CACNA1D: variants seen among roughly 807,000 people sequenced by gnomAD.
CACNA1D encodes the protein calcium voltage-gated channel subunit alpha1 D, also known as voltage-dependent L-type calcium channel subunit alpha-1D.
In CACNA1D, 55 loss-of-function variants were observed where a neutral mutation model predicts 257.1. The observed-to-expected ratio is 0.21, with a 90% CI of 0.17 to 0.27. The LOEUF (loss-of-function observed/expected upper bound fraction) is 0.27, where lower values mean the gene tolerates loss of function less well. CACNA1D is among the 10% of genes least tolerant of loss of function. CACNA1D has a pLI of 1.00. For synonymous variants in CACNA1D, 980 were observed against 1,014.9 expected (o/e 0.97, Z 0.65); for missense variants, 1,876 against 2,784.0 (o/e 0.67, Z 7.34).
intron 8 of CACNA1D, among the ~76,000 whole-genome samples, chr3:53,687,329 AAAG>A (rs1201166330): frequency 3.3e-5 from 5 of 152,290 alleles, no homozygotes; most frequent in Admixed American, 1.3e-4. Context: ...CATAAAAAAT[AAAG>A]AAGGAGGGCT....
At chr3:53,697,122 A>G (rs1424377664) in intron 8 of CACNA1D, among the ~76,000 whole-genome samples, 1 of 152,186 alleles carries the variant, frequency 6.6e-6, no homozygotes. Flanking sequence ...GATAAAAGGG[A>G]ATATCTTAAT....
intron 3 of CACNA1D, among the ~76,000 whole-genome samples, chr3:53,643,779 C>G (rs2093989543): frequency 6.6e-6 from 1 of 152,224 alleles, no homozygotes; most frequent in African/African-American, 2.4e-5. Flanking sequence ...CCTTCCCTTC[C>G]CACCTGTCCT....
At chr3:53,810,599 A>G in intron 47 of CACNA1D, 1 of 411,336 alleles carries the variant, frequency 2.4e-6, no homozygotes, top group Non-Finnish European at 4.6e-6. Flanking sequence ...CTCTACTAAA[A>G]ATACAAAAAT....
intron 35 of CACNA1D, 54 bp downstream of exon 35, chr3:53,776,099 C>G: frequency 6.6e-7 from 1 of 1,511,510 alleles, no homozygotes; most frequent in Non-Finnish European, 9.2e-7. Flanking sequence ...ATGTAGCAGT[C>G]AGCGTTCACA....
intron 20 of CACNA1D, 33 bp from the exon 21 acceptor site, chr3:53,740,247 C>A: frequency 2.6e-6 from 4 of 1,518,042 alleles, no homozygotes; most frequent in Non-Finnish European, 3.7e-6. Context: ...TGTCTGAATT[C>A]CTTTTCTCAC....
chr3:53,794,355 C>T (rs1283158673), intron 40 of CACNA1D, among the ~76,000 whole-genome samples: 4 of 152,202 alleles, frequency 2.6e-5, no homozygotes, highest in East Asian at 3.9e-4. Context: ...TTCTCCTTGG[C>T]ACCTCTTAGA....
intron 8 of CACNA1D, among the ~76,000 whole-genome samples, chr3:53,700,646 C>T (rs1252846139): frequency 6.6e-6 from 1 of 152,114 alleles, no homozygotes; most frequent in African/African-American, 2.4e-5. Context: ...AGCAGGTGTT[C>T]TTTGGGCTGG....
chr3:53,790,991 G>A (rs1241223997), intron 40 of CACNA1D: 11 of 702,128 alleles, frequency 1.6e-5, no homozygotes, highest in Non-Finnish European at 2.6e-5. Flanking sequence ...ATGCTTGAAC[G>A]GATGCTTTAG....
intron 3 of CACNA1D, among the ~76,000 whole-genome samples, chr3:53,637,783 G>C (rs111575766): frequency 2.0e-5 from 3 of 152,158 alleles, no homozygotes; most frequent in African/African-American, 7.2e-5. Flanking sequence ...TCTGCCTGCT[G>C]ACTTGCTCAT....
chr3:53,498,236 A>C (rs2090433901), intron 2 of CACNA1D, among the ~76,000 whole-genome samples: 1 of 152,160 alleles, frequency 6.6e-6, no homozygotes, highest in Non-Finnish European at 1.5e-5. Context: ...TGCCTTTATA[A>C]AAAATTCTGT....
chr3:53,802,328 G>A (rs2106793382), intron 43 of CACNA1D, among the ~76,000 whole-genome samples, 155 bp downstream of exon 43: 1 of 152,342 alleles, frequency 6.6e-6, no homozygotes, highest in African/African-American at 2.4e-5. Flanking sequence ...AGAGGTTGTT[G>A]CTTCTAAGCA....
At chr3:53,681,954 G>C (rs1487613574) in intron 8 of CACNA1D, among the ~76,000 whole-genome samples, 1 of 152,118 alleles carries the variant, frequency 6.6e-6, no homozygotes, top group Non-Finnish European at 1.5e-5. Context: ...AATGAAGCTA[G>C]GGTGACAGGA....
chr3:53,548,909 A>G (rs1235643346), intron 3 of CACNA1D, among the ~76,000 whole-genome samples: 2 of 152,206 alleles, frequency 1.3e-5, no homozygotes, highest in Non-Finnish European at 2.9e-5. Flanking sequence ...CCTGGAATAC[A>G]GGAAATGAAT....
chr3:53,523,563 A>C (rs1173134731), intron 3 of CACNA1D, among the ~76,000 whole-genome samples: 1 of 152,244 alleles, frequency 6.6e-6, no homozygotes, highest in African/African-American at 2.4e-5. Flanking sequence ...TCCAAGTGCC[A>C]TGGTGTATGT....
At chr3:53,660,037 G>A (rs1458432536) in intron 4 of CACNA1D, 96 bp from the exon 5 acceptor site, 3 of 1,099,314 alleles carry the variant, frequency 2.7e-6, no homozygotes, top group Non-Finnish European at 4.1e-6. Context: ...CAGCCACACA[G>A]AATTAGCCCT....
chr3:53,774,484 C>T lies in CACNA1D; in HGVS notation c.4111-103C>T. ...GAAGTGCCAGGTACCATGAGAAAAC[C>T]CTAGCTGGTAAAGATCAAACCTGAG... On this transcript the variant is annotated intron_variant, in intron 33 of 47. Transcript: ENST00000350061. The surrounding 1 kb of genome is among the most constrained non-coding windows in gnomAD (Gnocchi z 4.3). 1 of 760,784 alleles carries T rather than the reference C, an allele frequency of 1.3e-6. No homozygotes were observed. The highest frequency in any genetic ancestry group is 2.4e-6 in the Non-Finnish European group (1 of 420,524). 47.1% of individuals were successfully genotyped at this position (760,784 alleles called of 1,614,324 possible). A position where few individuals can be genotyped will look rare whatever the true frequency, so the allele number is the denominator to read the frequency against.
At chr3:53,721,573 G>A (rs2094883256) in intron 11 of CACNA1D, among the ~76,000 whole-genome samples, 1 of 152,190 alleles carries the variant, frequency 6.6e-6, no homozygotes, top group African/African-American at 2.4e-5. Context: ...TCACAATCAG[G>A]AACTGAAGGT....
At chr3:53,540,527 T>C (rs1045207849) in intron 3 of CACNA1D, among the ~76,000 whole-genome samples, 1 of 151,996 alleles carries the variant, frequency 6.6e-6, no homozygotes, top group African/African-American at 2.4e-5. Context: ...TATTATATAC[T>C]ATTTAGTATT....
chr3:53,667,159 C>T (rs989568359), intron 7 of CACNA1D, among the ~76,000 whole-genome samples: 5 of 152,150 alleles, frequency 3.3e-5, no homozygotes, highest in Admixed American at 2.6e-4. Context: ...GTAGGAATGG[C>T]ACGTAGACTT....
Sources: gnomAD v4.1 joint callset for allele counts (sites outside exome capture counted in the v4.1 genomes callset) on GRCh38, gnomAD v4.1.1 for gene constraint, Gnocchi (gnomAD v3.1) non-coding constraint, MANE v1.5 for transcripts, NCBI Gene and HGNC (gene_info 2026-07-23, HGNC 2026-07-21) for gene names.